The following SP110 variants were observed in gnomAD, a reference collection of about 807,000 sequenced individuals.
SP110 encodes SP110 nuclear body protein.
Under a neutral mutation model 92.7 loss-of-function variants are expected in SP110, and 62 were observed. The ratio of observed to expected loss-of-function variants is 0.67; its 90% CI spans 0.55 to 0.83. SP110 has a LOEUF of 0.83. Among genes scored for constraint, SP110 ranks in the 40% least tolerant of loss-of-function variants. The pLI is 0.00. For missense variants in SP110, 793 were observed against 863.9 expected, an observed-to-expected ratio of 0.92 and a Z score of 1.03; for synonymous variants, 273 against 305.3, an observed-to-expected ratio of 0.89 and a Z score of 1.10.
chr2:230,214,685 C>A (rs918292739), intron 3 of SP110, among the ~76,000 whole-genome samples: 2 of 152,142 alleles, frequency 1.3e-5, no homozygotes, highest in African/African-American at 4.8e-5. Flanking sequence ...TATAGATTTT[C>A]CAGTATGCCA....
rs538372125 is a variant in SP110 at position 230,196,496 on chromosome 2, CA to C, written c.1129+4388del. 3.6e-3 allele frequency among the ~76,000 whole-genome samples: 542 copies of C among 151,700 alleles called. 2 individuals are homozygous for C. Among genetic ancestry groups the C allele is most frequent in the South Asian group, 7.7e-3 (37 of 4,810 alleles). On this transcript the variant is annotated intron_variant, in intron 10 of 18. Transcript: ENST00000258381. Reference sequence around the variant, plus strand: ...TTATACAAAAATAAAGTGGGGGAAGCAGATTAAATAGATGTTTAACTTTATG... The same window carrying C: ...TTATACAAAAATAAAGTGGGGGAAGCGATTAAATAGATGTTTAACTTTATG...
rs2078328803 is a variant in SP110 at position 230,167,465 on chromosome 2, T to A, written c.*1659A>T. 6.6e-6 allele frequency: 1 copy of A among 152,244 alleles called. No homozygotes were observed. The highest frequency in any genetic ancestry group is 2.4e-5 in the African/African-American group (1 of 41,400). 9.4% of individuals were successfully genotyped at this position (152,244 alleles called of 1,614,324 possible). A position where few individuals can be genotyped will look rare whatever the true frequency, so the allele number is the denominator to read the frequency against. ...ATTTAGATAAGGAGGTCCTGGACTT[T>A]GTTCCAATGCTGCAGAGAGTGAGAC... is the stretch of plus-strand genomic sequence containing the variant. On this transcript the variant is annotated 3_prime_UTR_variant, in exon 19 of 19. Transcript: ENST00000258381.
intron 10 of SP110, among the ~76,000 whole-genome samples, chr2:230,188,447 T>C (rs1378783878): frequency 6.6e-6 from 1 of 152,024 alleles, no homozygotes; most frequent in East Asian, 1.9e-4. Context: ...AGTGATACTT[T>C]GATTTCTTTT....
chr2:230,190,579 T>A (rs534009321), intron 10 of SP110, among the ~76,000 whole-genome samples: 100 of 152,346 alleles, frequency 6.6e-4, no homozygotes, highest in Admixed American at 1.7e-3. Context: ...CATTTGTCAA[T>A]CTTGGCTTTT....
chr2:230,200,636 G>A, intron 10 of SP110: 1 of 541,228 alleles, frequency 1.8e-6, no homozygotes, highest in Non-Finnish European at 3.3e-6. Context: ...TCATTCTTGA[G>A]TGCTGAGAAA....
In SP110 at chr2:230,208,057, T is replaced by G. The variant is rs1394123939; in HGVS notation, c.832A>C (p.Lys278Gln). 2.7e-6 allele frequency: 4 copies of G among 1,505,728 alleles called. No individual in the cohort carries two copies. In the East Asian group the frequency reaches 9.0e-5, roughly 34 times the overall value. The allele number at this position is 1,505,728 out of a possible 1,614,324, so 93.3% of individuals were successfully genotyped here. Residue 278 changes from lysine to glutamine, a missense_variant and splice_region_variant, in exon 8 of 19, where the codon AAG becomes CAG. By Grantham distance (53) the Lys-to-Gln change is moderately conservative (BLOSUM62 1). Coordinates refer to ENST00000258381, the MANE Select transcript of SP110 (RefSeq NM_080424.4). ...GACCAGATACATCTTTTTCTTTTCT[T>G]TCCTAAAAAGAAAGGATAATGTTTT... is the stretch of plus-strand genomic sequence containing the variant. The part of the protein sequence containing the change: ...VSSTPSDKKG[K>Q]KRKRCIWSTP...
At chr2:230,196,398 CA>C (rs1340163751) in intron 10 of SP110, among the ~76,000 whole-genome samples, 2 of 151,332 alleles carry the variant, frequency 1.3e-5, no homozygotes, top group African/African-American at 4.9e-5. Context: ...AGATGATACA[CA>C]ATGAAAAAAG....
rs1560518407 is a variant in SP110, at chr2:230,169,191, T to C, written c.2075A>G (p.Glu692Gly). The change falls in exon 19 of 19, where the codon GAA becomes GGA. Residue 692 changes from glutamate (E) to glycine (G), a missense_variant. Glu to Gly is a moderately conservative substitution (Grantham distance 98, BLOSUM62 -2). Coordinates refer to ENST00000258381, the MANE Select transcript of SP110 (RefSeq NM_080424.4). ...QVGLDLEAEF[E>G]KDLKDVLGFH... ...ACCGAGCACGTCTTTGAGATCTTTT[T>C]CAAATTCTGCCTCTAAGTCAAGTCC... 1.2e-6 allele frequency: 2 copies of C among 1,614,054 alleles called. No homozygotes were observed. The highest frequency in any genetic ancestry group is 3.3e-5 in the Admixed American group (2 of 60,020).
In SP110 at chr2:230,175,945, C is replaced by CTTTTTTTTT. The variant is rs34906767; in HGVS notation, c.1590+1584_1590+1592dup. ...CTTTTGCTTTTCATGCTGCAGCATTCTTTTTTTTTTTTTTCTGAGACAGGG... is the reference window on the plus strand; with the variant it reads ...CTTTTGCTTTTCATGCTGCAGCATTCTTTTTTTTTTTTTTTTTTTTTTTCTGAGACAGGG... On this transcript the variant is annotated intron_variant, in intron 14 of 18. Coordinates refer to ENST00000258381, the MANE Select transcript of SP110 (RefSeq NM_080424.4). Among the ~76,000 whole-genome samples, 67 of 130,756 alleles carry CTTTTTTTTT rather than the reference C, an allele frequency of 5.1e-4. 3 individuals are homozygous for CTTTTTTTTT. Among genetic ancestry groups the CTTTTTTTTT allele is most frequent in the African/African-American group, 6.7e-4 (24 of 35,816 alleles). The allele number at this position is 130,756 out of a possible 152,430, so 85.8% of individuals were successfully genotyped here.
Position 230,200,968 on chromosome 2 carries a change from G to A in SP110, c.1049-3C>T. 2 of 1,611,358 alleles carry A rather than the reference G, an allele frequency of 1.2e-6. No individual in the cohort carries two copies. The highest frequency in any genetic ancestry group is 1.7e-6 in the Non-Finnish European group (2 of 1,177,506). On this transcript the variant is annotated splice_region_variant and splice_polypyrimidine_tract_variant and intron_variant, in intron 9 of 18. Transcript: ENST00000258381. ...TTCTGAAGTGCCATCAATGATCTCT[G>A]GAAAATGAAAGATCTTAGTAAATGC... is the stretch of plus-strand genomic sequence containing the variant.
Position 230,172,903 on chromosome 2 carries a change from G to A in SP110, c.1647C>T (p.Cys549=), listed in dbSNP as rs116626378. The A allele has an allele frequency of 2.4e-3, 3,896 of 1,614,132 alleles. 12 individuals carry two copies. The highest frequency in any genetic ancestry group is 0.012 in the African/African-American group (920 of 75,030). ...VCCQGGQLLC[C]GTCPRVFHED... ...CATGGAAGACTCGTGGACAAGTACC[G>A]CAGCAGAGAAGTTGTCCCCCTTGAC... Residue 549 remains cysteine, a synonymous_variant, in exon 15 of 19, where the codon TGC becomes TGT. Coordinates refer to ENST00000258381, the MANE Select transcript of SP110 (RefSeq NM_080424.4).
chr2:230,222,860 T>A (rs867248703), upstream of SP110, among the ~76,000 whole-genome samples: 74 of 134,330 alleles, frequency 5.5e-4, 1 homozygote, highest in South Asian at 1.5e-3. Flanking sequence ...TTTTTTTTTT[T>A]ATCAATGAAG....
intron 14 of SP110, chr2:230,173,488 T>C (rs1337719520): frequency 2.4e-5 from 4 of 165,798 alleles, no homozygotes; most frequent in African/African-American, 9.6e-5. Context: ...ATAATTAAAA[T>C]TAAGTTACCT....
intron 9 of SP110, among the ~76,000 whole-genome samples, chr2:230,201,390 A>G (rs2043171139): frequency 6.6e-6 from 1 of 152,252 alleles, no homozygotes; most frequent in South Asian, 2.1e-4. Context: ...AATGGCAGAT[A>G]AAACTGCTGG....
Position 230,183,666 on chromosome 2 carries a change from A to G in SP110, c.1280-26T>C, listed in dbSNP as rs543710134. 3.1e-6 allele frequency: 4 copies of G among 1,295,372 alleles called. No individual in the cohort carries two copies. The Admixed American group carries it at 6.7e-5, about 22-fold the overall frequency. 80.2% of individuals were successfully genotyped at this position (1,295,372 alleles called of 1,614,324 possible). A position where few individuals can be genotyped will look rare whatever the true frequency, so the allele number is the denominator to read the frequency against. On this transcript the variant is annotated intron_variant, in intron 11 of 18. Coordinates refer to ENST00000258381, the MANE Select transcript of SP110 (RefSeq NM_080424.4). ...CTAAACACAGAATTAATAATCACTT[A>G]TAGCTACAAACATAGATTTATAAGC...
intron 10 of SP110, among the ~76,000 whole-genome samples, chr2:230,188,648 T>C (rs1341070816): frequency 6.6e-6 from 1 of 152,232 alleles, no homozygotes; most frequent in Non-Finnish European, 1.5e-5. Flanking sequence ...TTTATAACTT[T>C]GAGGTAAGCC....
chr2:230,172,037 T>C (rs779246316), intron 16 of SP110, 29 bp downstream of exon 16: 20 of 1,325,074 alleles, frequency 1.5e-5, no homozygotes, highest in Admixed American at 3.4e-5. Context: ...AAGGGAAAAG[T>C]ATAGGTTTGG....
At chr2:230,193,278 A>G (rs1403946837) in intron 10 of SP110, among the ~76,000 whole-genome samples, 1 of 152,114 alleles carries the variant, frequency 6.6e-6, no homozygotes, top group African/African-American at 2.4e-5. Context: ...AAGATAGCAG[A>G]TATTTGGTTT....
Position 230,183,552 on chromosome 2 carries a change from G to A in SP110, c.1348+20C>T, listed in dbSNP as rs200872139. On this transcript the variant is annotated intron_variant, in intron 12 of 18. Transcript: ENST00000258381. ...GCTCTGGGGAGCCCAGTGGGGAGGCGCTGTGGCTTGCTTGCTTACCTCTTC... is the reference window on the plus strand; with the variant it reads ...GCTCTGGGGAGCCCAGTGGGGAGGCACTGTGGCTTGCTTGCTTACCTCTTC... 1.8e-5 allele frequency: 29 copies of A among 1,574,172 alleles called. No individual in the cohort carries two copies. The highest frequency in any genetic ancestry group is 1.7e-4 in the Middle Eastern group (1 of 5,972).
Sources: allele counts gnomAD v4.1 joint callset (sites outside exome capture counted in the v4.1 genomes callset), GRCh38; gene constraint gnomAD v4.1.1; transcripts MANE v1.5; gene names NCBI Gene and HGNC (gene_info 2026-07-23, HGNC 2026-07-21).